The following TUBA8 variants were observed in gnomAD, a reference collection of about 807,000 sequenced individuals.
TUBA8 encodes the protein tubulin alpha-8 chain.
Under a neutral mutation model 34.7 loss-of-function variants are expected in TUBA8, and 29 were observed. The ratio of observed to expected loss-of-function variants is 0.84; its 90% confidence interval spans 0.62 to 1.14. The LOEUF is 1.14. Ranked by LOEUF, TUBA8 falls within the 50% of genes most tolerant of loss-of-function variation. TUBA8 has a pLI of 0.00. For synonymous variants in TUBA8, 226 were observed against 231.2 expected, an observed-to-expected ratio of 0.98 and a Z score of 0.21; for missense variants, 541 against 599.2, an observed-to-expected ratio of 0.90 and a Z score of 1.01.
intron 4 of TUBA8, 43 bp downstream of exon 4, chr22:18,127,077 G>T (rs1928353895): frequency 6.2e-7 from 1 of 1,607,434 alleles, no homozygotes; most frequent in East Asian, 2.2e-5. Flanking sequence ...GACTAGAGAA[G>T]CAGAGGGAGG....
intron 4 of TUBA8, chr22:18,128,312 CAG>C (rs1395135841): frequency 6.6e-6 from 1 of 152,146 alleles, no homozygotes; most frequent in Non-Finnish European, 1.5e-5. Context: ...ATGCCAGGCT[CAG>C]AGAGTCAGTG....
rs1480275372 is a variant in TUBA8, at chr22:18,131,164, CTTTA to C, written c.*34_*37del. ...ATATACCTTCCCCTTGGCTGTGTCT[CTTTA>C]TTTATGCTGTGCCATTCAAAGCACA... On this transcript the variant is annotated 3_prime_UTR_variant, in exon 5 of 5. Transcript: ENST00000330423. The surrounding 1 kb of genome is among the most constrained non-coding windows in gnomAD (Gnocchi z 5.3). The C allele has an allele frequency of 1.2e-6, 2 of 1,605,104 alleles. No individual in the cohort carries two copies. Among genetic ancestry groups the C allele is most frequent in the African/African-American group, 2.7e-5 (2 of 74,828 alleles).
rs1360261235 is a variant in TUBA8 at position 18,131,035 on chromosome 22, G to T, written c.1249G>T (p.Glu417Ter). ...WYVGEGMEEGEFSEAREDLAA... is the reference protein window; with the variant it reads ...WYVGEGMEEG ...TGTGGGAGAGGGGATGGAAGAAGGA[G>T]AATTTTCTGAGGCCAGGGAAGACTT... Residue 417 changes from glutamate (E) to a stop codon, truncating the protein, a stop_gained, in exon 5 of 5, where the codon GAA becomes TAA. Coordinates refer to ENST00000330423, the MANE Select transcript of TUBA8 (RefSeq NM_018943.3). LOFTEE classifies it high-confidence loss of function. This position sits in a 1 kb window ranked among gnomAD's most constrained non-coding sequence, Gnocchi z 5.3. 2.5e-6 allele frequency: 4 copies of T among 1,614,078 alleles called. No individual in the cohort carries two copies. The highest frequency in any genetic ancestry group is 1.3e-5 in the African/African-American group (1 of 74,938).
rs778406865 is a variant in TUBA8 at position 18,126,425 on chromosome 22, C to T, written c.447C>T (p.Phe149=). ...TTGGTGGGGGCACTGGCTCCGGCTT[C>T]ACTTCTCTGCTGATGGAACGCCTCT... ...HSFGGGTGSG[F]TSLLMERLSL... Residue 149 remains phenylalanine (F), a synonymous_variant, in exon 4 of 5, where the codon TTC becomes TTT. Coordinates refer to ENST00000330423, the MANE Select transcript of TUBA8 (RefSeq NM_018943.3). The surrounding 1 kb of genome is among the most constrained non-coding windows in gnomAD (Gnocchi z 4.0). 8 of 1,614,110 alleles carry T rather than the reference C, an allele frequency of 5.0e-6. No individual in the cohort carries two copies. Among genetic ancestry groups the T allele is most frequent in the East Asian group, 2.2e-5 (1 of 44,880 alleles).
chr22:18,129,393 G>A (rs1928429090), intron 4 of TUBA8: 1 of 152,204 alleles, frequency 6.6e-6, no homozygotes, highest in Admixed American at 6.5e-5. Flanking sequence ...ATGTTCCCTG[G>A]AGAGGATGCT....
At position 18,126,452 on chromosome 22, in the gene TUBA8, C is replaced by T. The variant is rs781591421; in HGVS notation, c.474C>T (p.Ser158=). ...GFTSLLMERL[S]LDYGKKSKLE... Reference sequence around the variant, plus strand: ...CTTCTCTGCTGATGGAACGCCTCTCCCTGGATTATGGCAAGAAATCCAAGC... The same window carrying T: ...CTTCTCTGCTGATGGAACGCCTCTCTCTGGATTATGGCAAGAAATCCAAGC... Residue 158 remains serine (S), a synonymous_variant, in exon 4 of 5, where the codon TCC becomes TCT. Transcript: ENST00000330423. This position sits in a 1 kb window ranked among gnomAD's most constrained non-coding sequence, Gnocchi z 4.0. 8 of 1,613,956 alleles carry T rather than the reference C, an allele frequency of 5.0e-6. No individual in the cohort carries two copies. The African/African-American group carries it at 1.1e-4, about 22-fold the overall frequency.
Position 18,131,214 on chromosome 22 carries a change from T to C in TUBA8, c.*78T>C. 1 of 1,489,368 alleles carries C rather than the reference T, an allele frequency of 6.7e-7. No individual in the cohort carries two copies. Among genetic ancestry groups the C allele is most frequent in the Non-Finnish European group, 9.3e-7 (1 of 1,076,010 alleles). The allele number at this position is 1,489,368 out of a possible 1,614,324, so 92.3% of individuals were successfully genotyped here. ...GCACATGTTCAAGAGAACAGAACAC[T>C]CTCCCCGCCCCAGCCTGATTCCTGC... is the stretch of plus-strand genomic sequence containing the variant. On this transcript the variant is annotated 3_prime_UTR_variant, in exon 5 of 5. Transcript: ENST00000330423. This position sits in a 1 kb window ranked among gnomAD's most constrained non-coding sequence, Gnocchi z 5.3.
At chr22:18,117,259 A>C (rs1928001957) in intron 1 of TUBA8, 1 of 152,182 alleles carries the variant, frequency 6.6e-6, no homozygotes, top group South Asian at 2.1e-4. Flanking sequence ...TTACCTCTAA[A>C]TGCTTCGGAT....
At chr22:18,113,720 G>C (rs976263159) in intron 1 of TUBA8, 5 of 152,326 alleles carry the variant, frequency 3.3e-5, no homozygotes, top group Non-Finnish European at 5.9e-5. Flanking sequence ...CACTGTGTGG[G>C]CTCCCAGGGG....
intron 1 of TUBA8, chr22:18,112,829 ACT>A (rs1927853633): frequency 6.6e-6 from 1 of 152,244 alleles, no homozygotes; most frequent in African/African-American, 2.4e-5. Flanking sequence ...AACATTTTAC[ACT>A]CACAGAAACT....
rs776324430 is a variant in TUBA8 at position 18,131,127 on chromosome 22, G to A, written c.1341G>A (p.Glu447=). The A allele has an allele frequency of 6.8e-6, 11 of 1,613,844 alleles. No homozygotes were observed. The highest frequency in any genetic ancestry group is 9.3e-6 in the Non-Finnish European group (11 of 1,179,926). ...CGTTTGAAGAAGAAAATGAAGGGGA[G>A]GAATTTTAAATATATACCTTCCCCT... ...TDSFEEENEG[E]EF Residue 447 remains glutamate, a synonymous_variant, in exon 5 of 5, where the codon GAG becomes GAA. Transcript: ENST00000330423. The surrounding 1 kb of genome is among the most constrained non-coding windows in gnomAD (Gnocchi z 5.3).
At position 18,126,812 on chromosome 22, in the gene TUBA8, C is replaced by T. The variant is rs200912021; in HGVS notation, c.834C>T (p.Ala278=). The change falls in exon 4 of 5, where the codon GCC becomes GCT. Residue 278 remains alanine, a synonymous_variant. Coordinates refer to ENST00000330423, the MANE Select transcript of TUBA8 (RefSeq NM_018943.3). This position sits in a 1 kb window ranked among gnomAD's most constrained non-coding sequence, Gnocchi z 4.0. ...PLVTYAPIIS[A]EKAYHEQLSV... ...TCACCTACGCGCCCATCATCTCTGC[C>T]GAGAAAGCCTATCACGAACAGCTCT... The T allele has an allele frequency of 3.5e-5, 56 of 1,613,860 alleles. No homozygotes were observed. Among genetic ancestry groups the T allele is most frequent in the East Asian group, 6.7e-5 (3 of 44,874 alleles).
intron 2 of TUBA8, chr22:18,123,110 CAAAAAAAAAAAAAAA>C (rs1189653081): frequency 2.8e-4 from 6 of 21,192 alleles, no homozygotes; most frequent in Admixed American, 7.0e-4. Flanking sequence ...ACCCCGTCTC[CAAAAAAAAAAAAAAA>C]AAAAAAAAAA....
chr22:18,126,562 T>C lies in TUBA8; in HGVS notation c.584T>C (p.Leu195Pro). 6.2e-7 allele frequency: 1 copy of C among 1,614,152 alleles called. No homozygotes were observed. The highest frequency in any genetic ancestry group is 8.5e-7 in the Non-Finnish European group (1 of 1,180,016). Residue 195 changes from leucine to proline, a missense_variant, in exon 4 of 5, where the codon CTG becomes CCG. Leu to Pro is a moderately conservative substitution (Grantham distance 98). Coordinates refer to ENST00000330423, the MANE Select transcript of TUBA8 (RefSeq NM_018943.3). The surrounding 1 kb of genome is among the most constrained non-coding windows in gnomAD (Gnocchi z 4.0). ...TCCATCCTGACCACCCACACCACAC[T>C]GGAACATTCAGATTGTGCTTTCATG... is the stretch of plus-strand genomic sequence containing the variant. ...YNSILTTHTT[L>P]EHSDCAFMVD...
rs1337886434 is a variant in TUBA8, at chr22:18,126,494, C to T, written c.516C>T (p.Tyr172=). The change falls in exon 4 of 5, where the codon TAC becomes TAT. Residue 172 remains tyrosine (Y), a synonymous_variant. Transcript: ENST00000330423. The surrounding 1 kb of genome is among the most constrained non-coding windows in gnomAD (Gnocchi z 4.0). ...AATCCAAGCTGGAGTTTGCCATCTA[C>T]CCAGCCCCCCAGGTCTCTACTGCAG... ...GKKSKLEFAI[Y]PAPQVSTAVV... is the part of the protein sequence containing the mutation. The T allele has an allele frequency of 1.9e-6, 3 of 1,614,014 alleles. No homozygotes were observed. Among genetic ancestry groups the T allele is most frequent in the Non-Finnish European group, 2.5e-6 (3 of 1,180,032 alleles).
rs1928306355 is a variant in TUBA8 at position 18,126,087 on chromosome 22, T to C, written c.376-267T>C. 2.0e-6 allele frequency: 1 copy of C among 509,266 alleles called. No individual in the cohort carries two copies. Among genetic ancestry groups the C allele is most frequent in the South Asian group, 2.1e-5 (1 of 47,294 alleles). The allele number at this position is 509,266 out of a possible 1,614,324, so 31.5% of individuals were successfully genotyped here. A position where few individuals can be genotyped will look rare whatever the true frequency, so the allele number is the denominator to read the frequency against. On this transcript the variant is annotated intron_variant, in intron 3 of 4. Coordinates refer to ENST00000330423, the MANE Select transcript of TUBA8 (RefSeq NM_018943.3). The surrounding 1 kb of genome is among the most constrained non-coding windows in gnomAD (Gnocchi z 4.0). ...TATGTTGCCCATGCTGGTTGTGAAC[T>C]CCTGGCCTCAATGGATCCTCCTGCC...
rs758529481 is a variant in TUBA8 at position 18,130,956 on chromosome 22, C to A, written c.1170C>A (p.Arg390=). The A allele has an allele frequency of 6.2e-7, 1 of 1,614,110 alleles. No homozygotes were observed. Among genetic ancestry groups the A allele is most frequent in the South Asian group, 1.1e-5 (1 of 91,078 alleles). ...CGGCCATTGCGGAGGCCTGGGCCCGCCTCGACCACAAGTTCGACCTCATGT... is the reference window on the plus strand; with the variant it reads ...CGGCCATTGCGGAGGCCTGGGCCCGACTCGACCACAAGTTCGACCTCATGT... ...NTTAIAEAWA[R]LDHKFDLMYA... is the part of the protein sequence containing the mutation. Residue 390 remains arginine, a synonymous_variant, in exon 5 of 5, where the codon CGC becomes CGA. Coordinates refer to ENST00000330423, the MANE Select transcript of TUBA8 (RefSeq NM_018943.3).
In TUBA8 at chr22:18,126,077, G is replaced by C. The variant is rs925075924; in HGVS notation, c.376-277G>C. ...GAGGTCTCACTATGTTGCCCATGCT[G>C]GTTGTGAACTCCTGGCCTCAATGGA... On this transcript the variant is annotated intron_variant, in intron 3 of 4. Transcript: ENST00000330423. This position sits in a 1 kb window ranked among gnomAD's most constrained non-coding sequence, Gnocchi z 4.0. 7 of 487,214 alleles carry C rather than the reference G, an allele frequency of 1.4e-5. No individual in the cohort carries two copies. In the South Asian group the frequency reaches 1.5e-4, roughly 11 times the overall value. 30.2% of individuals were successfully genotyped at this position (487,214 alleles called of 1,614,324 possible).
chr22:18,124,006 C>A lies in TUBA8; in HGVS notation c.227-150C>A. ...TGAGCTACCCGGGAATTCTCTTAGC[C>A]TTTTGCAGATTCATTACGAGGTGGT... On this transcript the variant is annotated intron_variant, in intron 2 of 4. Coordinates refer to ENST00000330423, the MANE Select transcript of TUBA8 (RefSeq NM_018943.3). This position sits in a 1 kb window ranked among gnomAD's most constrained non-coding sequence, Gnocchi z 4.3. 1 of 938,606 alleles carries A rather than the reference C, an allele frequency of 1.1e-6. No homozygotes were observed. The highest frequency in any genetic ancestry group is 1.7e-6 in the Non-Finnish European group (1 of 602,750). 58.1% of individuals were successfully genotyped at this position (938,606 alleles called of 1,614,324 possible). A position where few individuals can be genotyped will look rare whatever the true frequency, so the allele number is the denominator to read the frequency against.
Sources: gnomAD v4.1 joint callset for allele counts on GRCh38, gnomAD v4.1.1 for gene constraint, Gnocchi (gnomAD v3.1) non-coding constraint, MANE v1.5 for transcripts, NCBI Gene and HGNC (gene_info 2026-07-23, HGNC 2026-07-21) for gene names.